The following UACA variants were observed in gnomAD, a reference collection of about 807,000 sequenced individuals.
The protein encoded by UACA is uveal autoantigen with coiled-coil domains and ankyrin repeats, also known as nuclear membrane binding protein.
UACA carries 112 observed loss-of-function variants against 160.5 expected under a neutral mutation model. The ratio of observed to expected loss-of-function variants is 0.70; its 90% confidence interval spans 0.60 to 0.82. The LOEUF (loss-of-function observed/expected upper bound fraction) is 0.82. Among genes scored for constraint, UACA ranks in the 40% least tolerant of loss-of-function variants. The probability of loss-of-function intolerance (pLI) is 0.00; values close to 1 mark genes in which losing one functional copy is unlikely to be tolerated. For synonymous variants in UACA, 557 were observed against 568.4 expected, an observed-to-expected ratio of 0.98 and a Z score of 0.29; for missense variants, 1,574 against 1,614.6, an observed-to-expected ratio of 0.97 and a Z score of 0.43.
At chr15:70,719,133 G>T (rs957596267) in intron 1 of UACA, among the ~76,000 whole-genome samples, 7 of 151,344 alleles carry the variant, frequency 4.6e-5, no homozygotes, top group Admixed American at 2.0e-4. Context: ...GAAGAGAAGA[G>T]AACAGAAGAG....
chr15:70,664,330 T>C (rs1896827124), intron 17 of UACA, among the ~76,000 whole-genome samples: 2 of 152,208 alleles, frequency 1.3e-5, no homozygotes, highest in Admixed American at 1.3e-4. Flanking sequence ...TCCAGGTTTA[T>C]ACCCCAGCTG....
At chr15:70,694,891 A>AT in intron 3 of UACA, 126 bp downstream of exon 3, 1 of 809,032 alleles carries the variant, frequency 1.2e-6, no homozygotes, top group Middle Eastern at 3.1e-4. Flanking sequence ...TTTCTCAACT[A>AT]TTTTAAAAAC....
intron 1 of UACA, among the ~76,000 whole-genome samples, chr15:70,738,498 T>C (rs899777236): frequency 3.9e-5 from 6 of 152,124 alleles, no homozygotes; most frequent in Admixed American, 6.5e-5. Context: ...ATTATTTAGA[T>C]TGGCATTCAA....
intron 8 of UACA, 86 bp downstream of exon 8, chr15:70,684,179 A>G: frequency 8.2e-7 from 1 of 1,225,356 alleles, no homozygotes; most frequent in Non-Finnish European, 1.1e-6. Flanking sequence ...TTTGCTTCTT[A>G]TAAACTGTAG....
At position 70,740,764 on chromosome 15, in the gene UACA, G is replaced by C. The variant is rs559219280; in HGVS notation, c.78+22566C>G. On this transcript the variant is annotated intron_variant, in intron 1 of 18. Transcript: ENST00000322954. ...AATACACAAAAGAGCTGGGCTGGCC[G>C]GGCGCGGTGGCTCACACCTGTAATC... Among the ~76,000 whole-genome samples, 15 of 151,344 alleles carry C rather than the reference G, an allele frequency of 9.9e-5. No individual in the cohort carries two copies. In the South Asian group the frequency reaches 3.2e-3, roughly 32 times the overall value.
intron 1 of UACA, among the ~76,000 whole-genome samples, chr15:70,708,714 GC>G (rs1898592027): frequency 6.6e-6 from 1 of 152,062 alleles, no homozygotes; most frequent in Admixed American, 6.6e-5. Flanking sequence ...CAAGTGATCT[GC>G]CCACGTCGGC....
At chr15:70,661,600 A>T (rs1017615886) in intron 17 of UACA, 1 of 152,198 alleles carries the variant, frequency 6.6e-6, no homozygotes, top group Non-Finnish European at 1.5e-5. Context: ...TCTATGAAAT[A>T]GGGAAACATC....
In UACA at chr15:70,723,393, A is replaced by G. The variant is rs537599010; in HGVS notation, c.79-23733T>C. Among the ~76,000 whole-genome samples the G allele has an allele frequency of 2.0e-5, 3 of 152,268 alleles. No individual in the cohort carries two copies. The South Asian group carries it at 6.2e-4, about 32-fold the overall frequency. On this transcript the variant is annotated intron_variant, in intron 1 of 18. Coordinates refer to ENST00000322954, the MANE Select transcript of UACA (RefSeq NM_018003.4). Reference sequence around the variant, plus strand: ...CCAGCTACTCAGGGATACTCTTATAATAGACTTACTGTTCTTAAGACCAAA... The same window carrying G: ...CCAGCTACTCAGGGATACTCTTATAGTAGACTTACTGTTCTTAAGACCAAA...
intron 10 of UACA, 38 bp from the exon 11 acceptor site, chr15:70,678,244 TA>T: frequency 6.7e-7 from 1 of 1,489,022 alleles, no homozygotes; most frequent in Non-Finnish European, 9.1e-7. Flanking sequence ...AGGCCAATCT[TA>T]AAAGAGCAAA....
At chr15:70,674,093 C>T (rs1402401034) in intron 13 of UACA, among the ~76,000 whole-genome samples, 2 of 152,158 alleles carry the variant, frequency 1.3e-5, no homozygotes, top group Non-Finnish European at 2.9e-5. Context: ...AACAACTGAG[C>T]TCAAGCGATC....
chr15:70,748,693 A>C (rs1247673235), intron 1 of UACA, among the ~76,000 whole-genome samples: 1 of 152,066 alleles, frequency 6.6e-6, no homozygotes, highest in Non-Finnish European at 1.5e-5. Flanking sequence ...TCATCATAGA[A>C]ATGCTCTCTG....
intron 1 of UACA, among the ~76,000 whole-genome samples, chr15:70,702,957 T>A (rs777540538): frequency 1.3e-5 from 2 of 152,126 alleles, no homozygotes; most frequent in Non-Finnish European, 2.9e-5. Flanking sequence ...AAATATTTTA[T>A]CAGTGAAAAG....
chr15:70,714,667 GA>G (rs547964617), intron 1 of UACA, among the ~76,000 whole-genome samples: 5 of 149,252 alleles, frequency 3.4e-5, no homozygotes, highest in Admixed American at 6.7e-5. Context: ...CATGAAATCT[GA>G]AAAAAAAAAT....
At chr15:70,762,251 A>ACT (rs10640880) in intron 1 of UACA, among the ~76,000 whole-genome samples, 152,262 of 152,284 alleles carry the variant, frequency 1, 76,120 homozygotes, top group Non-Finnish European at 1. Context: ...GAAAGGCATA[A>ACT]CTGAATTAAC....
rs143041604 is a variant in UACA at position 70,686,947 on chromosome 15, A to G, written c.602+593T>C. On this transcript the variant is annotated intron_variant, in intron 7 of 18. Transcript: ENST00000322954. ...GAGATAGGGAGAATTCTGGATAGAA[A>G]TTATTAGAGCACACCAACTAAAATA... 8.6e-3 allele frequency among the ~76,000 whole-genome samples: 1,315 copies of G among 152,286 alleles called. 12 individuals are homozygous for G. Among genetic ancestry groups the G allele is most frequent in the Non-Finnish European group, 0.014 (975 of 68,004 alleles).
At chr15:70,747,673 G>T (rs902127602) in intron 1 of UACA, among the ~76,000 whole-genome samples, 2 of 152,132 alleles carry the variant, frequency 1.3e-5, no homozygotes, top group African/African-American at 2.4e-5. Context: ...GAAACTTATT[G>T]AGATAAAGTG....
chr15:70,762,673 T>TC (rs2141021476), intron 1 of UACA, among the ~76,000 whole-genome samples: 1 of 152,224 alleles, frequency 6.6e-6, no homozygotes, highest in African/African-American at 2.4e-5. Flanking sequence ...CCACCACCCC[T>TC]CCCAACTTCA....
intron 1 of UACA, among the ~76,000 whole-genome samples, chr15:70,709,352 A>C (rs932011249): frequency 9.8e-5 from 15 of 152,338 alleles, no homozygotes; most frequent in Middle Eastern, 3.4e-3. Flanking sequence ...CTAGAGAACA[A>C]ACATTTTAAC....
At position 70,655,942 on chromosome 15, in the gene UACA, A is replaced by G. The variant is rs981582011; in HGVS notation, c.*1114T>C. 1 of 152,230 alleles carries G rather than the reference A, an allele frequency of 6.6e-6. No homozygotes were observed. Among genetic ancestry groups the G allele is most frequent in the East Asian group, 1.9e-4 (1 of 5,200 alleles). 9.4% of individuals were successfully genotyped at this position (152,230 alleles called of 1,614,324 possible). A position where few individuals can be genotyped will look rare whatever the true frequency, so the allele number is the denominator to read the frequency against. Reference sequence around the variant, plus strand: ...AAATAAAATGTTAATAAAAAATAACAAGACATATAAACTTTCCCTAATGAG... The same window carrying G: ...AAATAAAATGTTAATAAAAAATAACGAGACATATAAACTTTCCCTAATGAG... On this transcript the variant is annotated 3_prime_UTR_variant, in exon 19 of 19. Coordinates refer to ENST00000322954, the MANE Select transcript of UACA (RefSeq NM_018003.4).
Sources: gnomAD v4.1 joint callset for allele counts (sites outside exome capture counted in the v4.1 genomes callset) on GRCh38, gnomAD v4.1.1 for gene constraint, MANE v1.5 for transcripts, NCBI Gene and HGNC (gene_info 2026-07-23, HGNC 2026-07-21) for gene names.